GNA12: variants seen among roughly 807,000 people sequenced by gnomAD.
The protein encoded by GNA12 is guanine nucleotide-binding protein subunit alpha-12.
In GNA12, 9 loss-of-function variants were observed where a neutral mutation model predicts 26.0. That is an observed-to-expected ratio of 0.35 (90% CI 0.21 to 0.60). The LOEUF (loss-of-function observed/expected upper bound fraction) is 0.60. Among genes scored for constraint, GNA12 ranks in the 20% least tolerant of loss-of-function variants. The pLI is 0.78. For missense variants in GNA12, 405 were observed against 525.8 expected, an observed-to-expected ratio of 0.77 and a Z score of 2.25; for synonymous variants, 264 against 219.6, an observed-to-expected ratio of 1.20 and a Z score of -1.79.
intron 1 of GNA12, among the ~76,000 whole-genome samples, chr7:2,803,986 T>C (rs1291382080): frequency 6.6e-6 from 1 of 152,172 alleles, no homozygotes; most frequent in Admixed American, 6.5e-5. Context: ...ACCAACTTCT[T>C]CCTCTCCTGT....
At chr7:2,836,956 C>T (rs1175854982) in intron 1 of GNA12, among the ~76,000 whole-genome samples, 2 of 152,080 alleles carry the variant, frequency 1.3e-5, no homozygotes, top group African/African-American at 2.4e-5. Flanking sequence ...CAAGAGAAAA[C>T]ATCAGCAGAG....
intron 1 of GNA12, among the ~76,000 whole-genome samples, chr7:2,796,146 A>T (rs1792665968): frequency 6.6e-6 from 1 of 152,154 alleles, no homozygotes; most frequent in African/African-American, 2.4e-5. Flanking sequence ...ACAATGTTTT[A>T]ACAACAACTA....
At chr7:2,837,555 G>A (rs2114980052) in intron 1 of GNA12, among the ~76,000 whole-genome samples, 1 of 152,172 alleles carries the variant, frequency 6.6e-6, no homozygotes, top group Non-Finnish European at 1.5e-5. Flanking sequence ...TGAAACTTCT[G>A]AAAACTAAAC....
chr7:2,800,247 C>G (rs538543020), intron 1 of GNA12, among the ~76,000 whole-genome samples: 1 of 152,160 alleles, frequency 6.6e-6, no homozygotes, highest in South Asian at 2.1e-4. Flanking sequence ...ACGCACTATG[C>G]GATTCTGTTT....
At chr7:2,751,754 C>T (rs368174355) in intron 2 of GNA12, among the ~76,000 whole-genome samples, 1 of 152,194 alleles carries the variant, frequency 6.6e-6, no homozygotes, top group Non-Finnish European at 1.5e-5. Context: ...ACAGATTGGA[C>T]ATCTTATACG....
intron 2 of GNA12, among the ~76,000 whole-genome samples, chr7:2,756,605 T>TCAAA (rs139218513): frequency 0.13 from 19,772 of 151,364 alleles, 1,364 homozygotes; most frequent in Middle Eastern, 0.19. Flanking sequence ...AGACCCTGTC[T>TCAAA]CAAACAAACA....
intron 1 of GNA12, chr7:2,835,761 C>G (rs1182294206): frequency 5.2e-6 from 4 of 767,738 alleles, no homozygotes; most frequent in Non-Finnish European, 9.4e-6. Context: ...AGAAACAACT[C>G]CAAAACGTAG....
At chr7:2,840,720 C>T (rs1461730964) in intron 1 of GNA12, among the ~76,000 whole-genome samples, 1 of 152,092 alleles carries the variant, frequency 6.6e-6, no homozygotes, top group African/African-American at 2.4e-5. Context: ...TGTGGTGGTA[C>T]ACACCTACAG....
At position 2,791,292 on chromosome 7, in the gene GNA12, C is replaced by T. The variant is rs140821550; in HGVS notation, c.525+3636G>A. On this transcript the variant is annotated intron_variant, in intron 2 of 3. Coordinates refer to ENST00000275364, the MANE Select transcript of GNA12 (RefSeq NM_007353.3). ...TTTTAACTGAGCCACAGAAGTGATG[C>T]TCATGGGGTGTCTGCTGTCTGTGAC... Among the ~76,000 whole-genome samples the T allele has an allele frequency of 2.0e-3, 299 of 152,302 alleles. 1 individual carries two copies. Among genetic ancestry groups the T allele is most frequent in the African/African-American group, 6.4e-3 (265 of 41,546 alleles).
At chr7:2,795,387 T>C (rs890963400) in intron 1 of GNA12, among the ~76,000 whole-genome samples, 1 of 151,858 alleles carries the variant, frequency 6.6e-6, no homozygotes, top group Non-Finnish European at 1.5e-5. Flanking sequence ...AGCCTCCCCT[T>C]TGGGAGGCCA....
At chr7:2,820,225 G>T (rs1385542535) in intron 1 of GNA12, among the ~76,000 whole-genome samples, 1 of 152,292 alleles carries the variant, frequency 6.6e-6, no homozygotes, top group Non-Finnish European at 1.5e-5. Context: ...CCGGGGCTGG[G>T]GCTGGGGCAG....
chr7:2,780,218 G>A (rs960944883), intron 2 of GNA12, among the ~76,000 whole-genome samples: 10 of 151,018 alleles, frequency 6.6e-5, no homozygotes, highest in South Asian at 2.1e-4. Flanking sequence ...TTTTCTAACC[G>A]CTGGACAATA....
At chr7:2,840,491 T>C (rs1056733431) in intron 1 of GNA12, among the ~76,000 whole-genome samples, 6 of 152,200 alleles carry the variant, frequency 3.9e-5, no homozygotes, top group African/African-American at 9.7e-5. Flanking sequence ...ACCCTCTATA[T>C]AGCCACAAGT....
At chr7:2,756,107 A>C (rs1237861881) in intron 2 of GNA12, among the ~76,000 whole-genome samples, 1 of 152,242 alleles carries the variant, frequency 6.6e-6, no homozygotes, top group East Asian at 1.9e-4. Context: ...AGTAATATGG[A>C]TCAACCGAAT....
chr7:2,746,778 TAA>T (rs1790784700), intron 2 of GNA12, among the ~76,000 whole-genome samples: 1 of 151,978 alleles, frequency 6.6e-6, no homozygotes, highest in South Asian at 2.1e-4. Context: ...CTAGCAAGAC[TAA>T]TAAAGAAGAA....
chr7:2,756,095 A>C (rs1405803730), intron 2 of GNA12, among the ~76,000 whole-genome samples: 1 of 152,254 alleles, frequency 6.6e-6, no homozygotes, highest in Non-Finnish European at 1.5e-5. Context: ...CGGCAAAAGA[A>C]AAGTAATATG....
At chr7:2,803,244 C>T (rs1298860856) in intron 1 of GNA12, among the ~76,000 whole-genome samples, 3 of 152,304 alleles carry the variant, frequency 2.0e-5, no homozygotes, top group South Asian at 2.1e-4. Flanking sequence ...ACAGGACCGT[C>T]GGAGGACAGC....
intron 2 of GNA12, 70 bp from the exon 3 acceptor site, chr7:2,733,571 T>C (rs958130207): frequency 9.7e-6 from 12 of 1,234,112 alleles, no homozygotes; most frequent in African/African-American, 1.5e-5. Flanking sequence ...ATACAAGAAC[T>C]GAACAGGGTA....
At chr7:2,784,415 G>A (rs1428733504) in intron 2 of GNA12, among the ~76,000 whole-genome samples, 1 of 152,220 alleles carries the variant, frequency 6.6e-6, no homozygotes, top group African/African-American at 2.4e-5. Context: ...ACCATGCCCA[G>A]CCAAGCTGGA....
Sources: gnomAD v4.1 joint callset for allele counts (sites outside exome capture counted in the v4.1 genomes callset) on GRCh38, gnomAD v4.1.1 for gene constraint, MANE v1.5 for transcripts, NCBI Gene and HGNC (gene_info 2026-07-23, HGNC 2026-07-21) for gene names.